The following RGS20 variants were observed in gnomAD, a reference collection of about 807,000 sequenced individuals.
RGS20 encodes gz-selective GTPase-activating protein.
A neutral mutation model predicts 33.6 loss-of-function variants in RGS20; 30 were observed. That is an observed-to-expected ratio of 0.89 (90% CI 0.67 to 1.21). RGS20 has a LOEUF of 1.21. Ranked by LOEUF, RGS20 falls within the 50% of genes most tolerant of loss-of-function variation. RGS20 has a pLI of 0.00. For synonymous variants in RGS20, 208 were observed against 197.9 expected, an observed-to-expected ratio of 1.05 and a Z score of -0.43; for missense variants, 472 against 502.4, an observed-to-expected ratio of 0.94 and a Z score of 0.58.
chr8:53,924,722 T>A (rs149705233), intron 2 of RGS20, among the ~76,000 whole-genome samples: 112 of 152,300 alleles, frequency 7.4e-4, no homozygotes, highest in African/African-American at 2.4e-3. Context: ...AACATTAAGA[T>A]TTCCTTCACT....
intron 1 of RGS20, among the ~76,000 whole-genome samples, chr8:53,859,352 T>C (rs1210820127): frequency 6.6e-6 from 1 of 152,172 alleles, no homozygotes. Flanking sequence ...CAAAGAAGCA[T>C]ACTGCAAAAA....
In RGS20 at chr8:53,927,359, A is replaced by G. The variant is rs929930778; in HGVS notation, c.511-12217A>G. On this transcript the variant is annotated intron_variant, in intron 2 of 5. Coordinates refer to ENST00000297313, the MANE Select transcript of RGS20 (RefSeq NM_170587.4). ...ACTGGGACTACAGGCGCGCGCCACC[A>G]TACCCAGCTAATTTTCATATTTTTG... 2.0e-5 allele frequency among the ~76,000 whole-genome samples: 3 copies of G among 151,826 alleles called. No individual in the cohort carries two copies. The South Asian group carries it at 6.2e-4, about 32-fold the overall frequency.
chr8:53,895,255 G>A (rs979500261), intron 2 of RGS20, among the ~76,000 whole-genome samples: 1 of 152,168 alleles, frequency 6.6e-6, no homozygotes, highest in African/African-American at 2.4e-5. Context: ...CAGAGGGGCT[G>A]GAGGAGGAGA....
chr8:53,879,929 T>G, intron 2 of RGS20: 1 of 290,504 alleles, frequency 3.4e-6, no homozygotes. Context: ...CTCCGCCTAC[T>G]CCGAGCCTCC....
At chr8:53,858,457 CTT>C (rs1321611454) in intron 1 of RGS20, among the ~76,000 whole-genome samples, 1 of 151,884 alleles carries the variant, frequency 6.6e-6, no homozygotes, top group Non-Finnish European at 1.5e-5. Flanking sequence ...ATAAAGCATT[CTT>C]TATATCAGAA....
At chr8:53,915,185 T>C (rs1813451223) in intron 2 of RGS20, among the ~76,000 whole-genome samples, 2 of 151,802 alleles carry the variant, frequency 1.3e-5, no homozygotes, top group African/African-American at 2.4e-5. Context: ...AATCAAACTT[T>C]AGTGCCCTCC....
intron 1 of RGS20, chr8:53,876,459 G>A (rs559520829): frequency 6.6e-6 from 1 of 152,332 alleles, no homozygotes; most frequent in Admixed American, 6.5e-5. Context: ...ATACGGTACT[G>A]ATGATTCCAT....
chr8:53,865,703 C>T (rs1031349601), intron 1 of RGS20, among the ~76,000 whole-genome samples: 10 of 152,138 alleles, frequency 6.6e-5, no homozygotes, highest in Admixed American at 6.5e-5. Context: ...GCCTCCTGGG[C>T]TCAAGCTGTT....
intron 3 of RGS20, among the ~76,000 whole-genome samples, chr8:53,944,494 C>T (rs1180915020): frequency 2.7e-5 from 4 of 150,524 alleles, no homozygotes; most frequent in South Asian, 4.2e-4. Context: ...GCTGAGATCA[C>T]GCCATTGCAC....
At chr8:53,948,315 T>C (rs1368810477) in intron 4 of RGS20, among the ~76,000 whole-genome samples, 1 of 140,198 alleles carries the variant, frequency 7.1e-6, no homozygotes, top group Non-Finnish European at 1.5e-5. Context: ...ACAGTATATA[T>C]ACATATGCTA....
intron 2 of RGS20, among the ~76,000 whole-genome samples, chr8:53,901,979 T>G (rs1813045382): frequency 1.3e-5 from 2 of 152,204 alleles, no homozygotes; most frequent in Non-Finnish European, 2.9e-5. Context: ...CGCTGAATAA[T>G]ATCCCATTAT....
intron 2 of RGS20, among the ~76,000 whole-genome samples, chr8:53,931,041 G>A (rs1585932723): frequency 6.6e-6 from 1 of 152,078 alleles, no homozygotes; most frequent in African/African-American, 2.4e-5. Flanking sequence ...TTCTGCCTTC[G>A]AAGCTGTCTC....
At chr8:53,948,677 TAA>T (rs1312580106) in intron 4 of RGS20, among the ~76,000 whole-genome samples, 1 of 131,948 alleles carries the variant, frequency 7.6e-6, no homozygotes, top group Non-Finnish European at 1.6e-5. Flanking sequence ...ATATGCTATA[TAA>T]GATACAGTAC....
intron 4 of RGS20, among the ~76,000 whole-genome samples, chr8:53,947,882 TGTA>T (rs1033062968): frequency 5.1e-5 from 7 of 138,034 alleles, no homozygotes; most frequent in South Asian, 2.3e-4. Flanking sequence ...ATATATAAGA[TGTA>T]GTATATATAT....
At chr8:53,889,191 C>T (rs1030649738) in intron 2 of RGS20, among the ~76,000 whole-genome samples, 2 of 152,166 alleles carry the variant, frequency 1.3e-5, no homozygotes, top group African/African-American at 4.8e-5. Flanking sequence ...TTCACATCCT[C>T]ACCAGTACTT....
At chr8:53,918,820 G>A (rs1345681927) in intron 2 of RGS20, among the ~76,000 whole-genome samples, 1 of 152,158 alleles carries the variant, frequency 6.6e-6, no homozygotes, top group African/African-American at 2.4e-5. Context: ...ATAGATATTT[G>A]TGTTTTTCCA....
intron 1 of RGS20, among the ~76,000 whole-genome samples, chr8:53,858,554 A>T (rs557283671): frequency 2.0e-5 from 3 of 152,188 alleles, no homozygotes; most frequent in Non-Finnish European, 4.4e-5. Context: ...ACCCGAAAGA[A>T]AGCATAATGT....
chr8:53,876,865 T>C (rs1406545077), intron 1 of RGS20, among the ~76,000 whole-genome samples: 2 of 152,202 alleles, frequency 1.3e-5, no homozygotes, highest in African/African-American at 4.8e-5. Flanking sequence ...TTGGGACTTT[T>C]ATTCTGTCTG....
intron 2 of RGS20, chr8:53,879,799 G>C (rs1391745872): frequency 1.0e-5 from 5 of 477,690 alleles, no homozygotes; most frequent in African/African-American, 2.0e-5. Flanking sequence ...GCCCCTCCCC[G>C]CGGGAAGACA....
Sources: gnomAD v4.1 joint callset for allele counts (sites outside exome capture counted in the v4.1 genomes callset) on GRCh38, gnomAD v4.1.1 for gene constraint, MANE v1.5 for transcripts, NCBI Gene and HGNC (gene_info 2026-07-23, HGNC 2026-07-21) for gene names.